The following CEBPB variants were observed in gnomAD, a reference collection of about 807,000 sequenced individuals.
The protein encoded by CEBPB is CCAAT/enhancer-binding protein beta.
For synonymous variants in CEBPB, 295 were observed against 267.1 expected, an observed-to-expected ratio of 1.10 and a Z score of -1.02; for missense variants, 498 against 533.1, an observed-to-expected ratio of 0.93 and a Z score of 0.65.
chr20:50,191,425 G>A lies in CEBPB; in HGVS notation c.392G>A (p.Cys131Tyr). Residue 131 changes from cysteine (C) to tyrosine (Y), a missense_variant, in exon 1 of 1, where the codon TGC (cysteine) becomes TAC (tyrosine). Coordinates refer to ENST00000303004, the MANE Select transcript of CEBPB (RefSeq NM_005194.4). ...LFSDDYGGKN[C>Y]KKPAEYGYVS... ...TCCGACGACTACGGGGGCAAGAACT[G>A]CAAGAAGCCGGCCGAGTACGGCTAC... is the stretch of plus-strand genomic sequence containing the variant. 2.6e-6 allele frequency: 4 copies of A among 1,524,410 alleles called. No individual in the cohort carries two copies. The highest frequency in any genetic ancestry group is 2.8e-5 in the East Asian group (1 of 36,084). 94.4% of individuals were successfully genotyped at this position (1,524,410 alleles called of 1,614,324 possible).
Position 50,191,905 on chromosome 20 carries a change from AG to A in CEBPB, c.874del (p.Ala292ProfsTer102), listed in dbSNP as rs2081581398. ...ATCGCCGTGCGCAAGAGCCGCGACA[AG>A]GCCAAGATGCGCAACCTGGAGACGC... Reference protein sequence around the residue: ...NNIAVRKSRDKAKMRNLETQH... With the variant: ...NNIAVRKSRDXAKMRNLETQH... On this transcript the variant is annotated frameshift_variant, in exon 1 of 1. Transcript: ENST00000303004. LOFTEE classifies it low-confidence loss of function (END_TRUNC). The A allele has an allele frequency of 6.2e-7, 1 of 1,612,846 alleles. No individual in the cohort carries two copies. The highest frequency in any genetic ancestry group is 8.5e-7 in the Non-Finnish European group (1 of 1,179,608).
chr20:50,190,987 C>G lies in CEBPB; in HGVS notation c.-47C>G. On this transcript the variant is annotated 5_prime_UTR_variant, in exon 1 of 1. Transcript: ENST00000303004. ...CAGGGAGGCCGCGCCACCTGCGGGCCGGCCGGAGCGGGCAGCCCCAGGCCC... is the reference window on the plus strand; with the variant it reads ...CAGGGAGGCCGCGCCACCTGCGGGCGGGCCGGAGCGGGCAGCCCCAGGCCC... The G allele has an allele frequency of 7.0e-7, 1 of 1,421,192 alleles. No individual in the cohort carries two copies. The highest frequency in any genetic ancestry group is 9.2e-7 in the Non-Finnish European group (1 of 1,091,388). 88.0% of individuals were successfully genotyped at this position (1,421,192 alleles called of 1,614,324 possible). A position where few individuals can be genotyped will look rare whatever the true frequency, so the allele number is the denominator to read the frequency against.
In CEBPB at chr20:50,191,110, T is replaced by C. The variant is rs1361637653; in HGVS notation, c.77T>C (p.Val26Ala). 6.5e-7 allele frequency: 1 copy of C among 1,548,576 alleles called. No individual in the cohort carries two copies. Residue 26 changes from valine (V) to alanine (A), a missense_variant, in exon 1 of 1, where the codon GTG (valine) becomes GCG (alanine). By Grantham distance (64) the Val-to-Ala change is moderately conservative. Transcript: ENST00000303004. ...PPPPAFKSME[V>A]ANFYYEADCL... ...CCGCCTGCCTTTAAATCCATGGAAG[T>C]GGCCAACTTCTACTACGAGGCGGAC...
Position 50,191,041 on chromosome 20 carries a change from G to A in CEBPB, c.8G>A (p.Arg3His), listed in dbSNP as rs1408002318. 4 of 1,533,766 alleles carry A rather than the reference G, an allele frequency of 2.6e-6. No individual in the cohort carries two copies. The highest frequency in any genetic ancestry group is 3.5e-6 in the Non-Finnish European group (4 of 1,148,420). MQ[R>H]LVAWDPACLP... ...CCCCGGGCACCCGCGTTCATGCAAC[G>A]CCTGGTGGCCTGGGACCCAGCATGT... The change falls in exon 1 of 1, where the codon CGC becomes CAC. Residue 3 changes from arginine (R) to histidine (H), a missense_variant. By Grantham distance (29) the Arg-to-His change is conservative. Coordinates refer to ENST00000303004, the MANE Select transcript of CEBPB (RefSeq NM_005194.4).
rs773893525 is a variant in CEBPB at position 50,191,157 on chromosome 20, G to T, written c.124G>T (p.Gly42Cys). ...EADCLAAAYG[G>C]KAAPAAPPAA... ...GGACTGCTTGGCTGCTGCGTACGGC[G>T]GCAAGGCGGCCCCCGCGGCGCCCCC... is the stretch of plus-strand genomic sequence containing the variant. Residue 42 changes from glycine to cysteine, a missense_variant, in exon 1 of 1, where the codon GGC (glycine) becomes TGC (cysteine). Transcript: ENST00000303004. The T allele has an allele frequency of 6.7e-7, 1 of 1,494,882 alleles. No individual in the cohort carries two copies. The highest frequency in any genetic ancestry group is 1.2e-5 in the South Asian group (1 of 80,388). 92.6% of individuals were successfully genotyped at this position (1,494,882 alleles called of 1,614,324 possible).
rs1440542889 is a variant in CEBPB at position 50,191,493 on chromosome 20, C to A, written c.460C>A (p.Pro154Thr). The A allele has an allele frequency of 1.4e-6, 2 of 1,448,468 alleles. No homozygotes were observed. The highest frequency in any genetic ancestry group is 2.6e-5 in the South Asian group (2 of 75,520). 89.7% of individuals were successfully genotyped at this position (1,448,468 alleles called of 1,614,324 possible). A position where few individuals can be genotyped will look rare whatever the true frequency, so the allele number is the denominator to read the frequency against. ...RLGAAKGALH[P>T]GCFAPLHPPP... ...GGGGGCCGCCAAGGGCGCGCTGCACCCCGGCTGCTTCGCGCCCCTGCACCC... is the reference window on the plus strand; with the variant it reads ...GGGGGCCGCCAAGGGCGCGCTGCACACCGGCTGCTTCGCGCCCCTGCACCC... The change falls in exon 1 of 1, where the codon CCC (proline) becomes ACC (threonine). Residue 154 changes from proline to threonine, a missense_variant. Pro to Thr is a conservative substitution (Grantham distance 38). Coordinates refer to ENST00000303004, the MANE Select transcript of CEBPB (RefSeq NM_005194.4).
rs747071489 is a variant in CEBPB, at chr20:50,192,120, G to A, written c.*49G>A. On this transcript the variant is annotated 3_prime_UTR_variant, in exon 1 of 1. Coordinates refer to ENST00000303004, the MANE Select transcript of CEBPB (RefSeq NM_005194.4). ...TGCCGGCCGGGGCTGAGACTCCGGG[G>A]AGCGCCCGCGCCCGCGCCCTCGCCC... 1.1e-5 allele frequency: 15 copies of A among 1,354,328 alleles called. No homozygotes were observed. The South Asian group carries it at 2.3e-4, about 20-fold the overall frequency. 83.9% of individuals were successfully genotyped at this position (1,354,328 alleles called of 1,614,324 possible).
Position 50,191,479 on chromosome 20 carries a change from A to G in CEBPB, c.446A>G (p.Lys149Arg), listed in dbSNP as rs1244522460. 2.0e-6 allele frequency: 3 copies of G among 1,466,536 alleles called. No individual in the cohort carries two copies. The highest frequency in any genetic ancestry group is 6.2e-5 in the East Asian group (2 of 32,108). The allele number at this position is 1,466,536 out of a possible 1,614,324, so 90.8% of individuals were successfully genotyped here. A position where few individuals can be genotyped will look rare whatever the true frequency, so the allele number is the denominator to read the frequency against. Residue 149 changes from lysine (K) to arginine (R), a missense_variant, in exon 1 of 1, where the codon AAG becomes AGG. By Grantham distance (26) the Lys-to-Arg change is conservative. Transcript: ENST00000303004. ...YVSLGRLGAA[K>R]GALHPGCFAP... ...AGCCTGGGGCGCCTGGGGGCCGCCA[A>G]GGGCGCGCTGCACCCCGGCTGCTTC... is the stretch of plus-strand genomic sequence containing the variant.
rs746697753 is a variant in CEBPB at position 50,191,517 on chromosome 20, C to G, written c.484C>G (p.Pro162Ala). Reference protein sequence around the residue: ...LHPGCFAPLHPPPPPPPPPAE... With the variant: ...LHPGCFAPLHAPPPPPPPPAE... Reference sequence around the variant, plus strand: ...CCCCGGCTGCTTCGCGCCCCTGCACCCACCGCCCCCGCCGCCGCCGCCGCC... The same window carrying G: ...CCCCGGCTGCTTCGCGCCCCTGCACGCACCGCCCCCGCCGCCGCCGCCGCC... The change falls in exon 1 of 1, where the codon CCA becomes GCA. Residue 162 changes from proline (P) to alanine (A), a missense_variant. By Grantham distance (27) the Pro-to-Ala change is conservative. Transcript: ENST00000303004. 3.1e-5 allele frequency: 41 copies of G among 1,319,690 alleles called. No homozygotes were observed. The South Asian group carries it at 8.4e-4, about 27-fold the overall frequency. The allele number at this position is 1,319,690 out of a possible 1,614,324, so 81.7% of individuals were successfully genotyped here. A position where few individuals can be genotyped will look rare whatever the true frequency, so the allele number is the denominator to read the frequency against.
In CEBPB at chr20:50,190,913, C is replaced by CCGGCAGCGG. The variant is rs1331312402; in HGVS notation, c.-113_-105dup. 5 of 1,262,270 alleles carry CCGGCAGCGG rather than the reference C, an allele frequency of 4.0e-6. No individual in the cohort carries two copies. Among genetic ancestry groups the CCGGCAGCGG allele is most frequent in the East Asian group, 3.2e-5 (1 of 31,010 alleles). 78.2% of individuals were successfully genotyped at this position (1,262,270 alleles called of 1,614,324 possible). On this transcript the variant is annotated 5_prime_UTR_variant, in exon 1 of 1. Coordinates refer to ENST00000303004, the MANE Select transcript of CEBPB (RefSeq NM_005194.4). ...AGCCCCCTCACTAATAGCGGCCACC[C>CCGGCAGCGG]CGGCAGCGGCGGCAGCAGCAGCAGC...
Position 50,191,988 on chromosome 20 carries a change from C to G in CEBPB, c.955C>G (p.Gln319Glu). 1.2e-6 allele frequency: 2 copies of G among 1,610,556 alleles called. No homozygotes were observed. ...ENERLQKKVE[Q>E]LSRELSTLRN... ...CGAGCGGCTGCAGAAGAAGGTGGAG[C>G]AGCTGTCGCGCGAGCTCAGCACCCT... The change falls in exon 1 of 1, where the codon CAG becomes GAG. Residue 319 changes from glutamine (Q) to glutamate (E), a missense_variant. Transcript: ENST00000303004.
rs529249404 is a variant in CEBPB at position 50,192,143 on chromosome 20, C to T, written c.*72C>T. On this transcript the variant is annotated 3_prime_UTR_variant, in exon 1 of 1. Transcript: ENST00000303004. ...GGGAGCGCCCGCGCCCGCGCCCTCG[C>T]CCCCGCCCCCGGCGGCGCCGGCAAA... 509 of 1,216,226 alleles carry T rather than the reference C, an allele frequency of 4.2e-4. 4 individuals carry two copies. The African/African-American group carries it at 7.3e-3, about 17-fold the overall frequency. 75.3% of individuals were successfully genotyped at this position (1,216,226 alleles called of 1,614,324 possible).
Position 50,191,265 on chromosome 20 carries a change from T to A in CEBPB, c.232T>A (p.Tyr78Asn). ...DHERAIDFSPYLEPLGAPQAP... is the reference protein window; with the variant it reads ...DHERAIDFSPNLEPLGAPQAP... ...CGAGCGCGCCATCGACTTCAGCCCG[T>A]ACCTGGAGCCGCTGGGCGCGCCGCA... The change falls in exon 1 of 1, where the codon TAC becomes AAC. Residue 78 changes from tyrosine (Y) to asparagine (N), a missense_variant. Tyr to Asn is a moderately radical substitution (Grantham distance 143). Coordinates refer to ENST00000303004, the MANE Select transcript of CEBPB (RefSeq NM_005194.4). 7.8e-7 allele frequency: 1 copy of A among 1,283,118 alleles called. No homozygotes were observed. 79.5% of individuals were successfully genotyped at this position (1,283,118 alleles called of 1,614,324 possible).
Position 50,191,737 on chromosome 20 carries a change from C to T in CEBPB, c.704C>T (p.Thr235Met). Residue 235 changes from threonine to methionine, a missense_variant, in exon 1 of 1, where the codon ACG (threonine) becomes ATG (methionine). Transcript: ENST00000303004. Reference sequence around the variant, plus strand: ...TCCTCCTCGTCCAGCCCGCCCGGCACGCCGAGCCCCGCTGACGCCAAGGCG... The same window carrying T: ...TCCTCCTCGTCCAGCCCGCCCGGCATGCCGAGCCCCGCTGACGCCAAGGCG... ...STSSSSSPPG[T>M]PSPADAKAPP... 2.6e-6 allele frequency: 4 copies of T among 1,522,206 alleles called. No homozygotes were observed. The highest frequency in any genetic ancestry group is 3.5e-6 in the Non-Finnish European group (4 of 1,138,934). 94.3% of individuals were successfully genotyped at this position (1,522,206 alleles called of 1,614,324 possible). A position where few individuals can be genotyped will look rare whatever the true frequency, so the allele number is the denominator to read the frequency against.
In CEBPB at chr20:50,190,983, G is replaced by C. The variant is rs951631209; in HGVS notation, c.-51G>C. 2.1e-6 allele frequency: 3 copies of C among 1,415,840 alleles called. No homozygotes were observed. The highest frequency in any genetic ancestry group is 2.8e-6 in the Non-Finnish European group (3 of 1,088,798). 87.7% of individuals were successfully genotyped at this position (1,415,840 alleles called of 1,614,324 possible). A position where few individuals can be genotyped will look rare whatever the true frequency, so the allele number is the denominator to read the frequency against. ...AGAGCAGGGAGGCCGCGCCACCTGCGGGCCGGCCGGAGCGGGCAGCCCCAG... is the reference window on the plus strand; with the variant it reads ...AGAGCAGGGAGGCCGCGCCACCTGCCGGCCGGCCGGAGCGGGCAGCCCCAG... On this transcript the variant is annotated 5_prime_UTR_variant, in exon 1 of 1. Coordinates refer to ENST00000303004, the MANE Select transcript of CEBPB (RefSeq NM_005194.4).
In CEBPB at chr20:50,191,154, G is replaced by T. The variant is rs770372476; in HGVS notation, c.121G>T (p.Gly41Cys). Residue 41 changes from glycine (G) to cysteine (C), a missense_variant, in exon 1 of 1, where the codon GGC becomes TGC. Gly to Cys is a radical substitution (Grantham distance 159). Coordinates refer to ENST00000303004, the MANE Select transcript of CEBPB (RefSeq NM_005194.4). ...YEADCLAAAY[G>C]GKAAPAAPPA... ...GGCGGACTGCTTGGCTGCTGCGTAC[G>T]GCGGCAAGGCGGCCCCCGCGGCGCC... 2 of 1,495,710 alleles carry T rather than the reference G, an allele frequency of 1.3e-6. No individual in the cohort carries two copies. Among genetic ancestry groups the T allele is most frequent in the Non-Finnish European group, 8.9e-7 (1 of 1,125,648 alleles). 92.7% of individuals were successfully genotyped at this position (1,495,710 alleles called of 1,614,324 possible). A position where few individuals can be genotyped will look rare whatever the true frequency, so the allele number is the denominator to read the frequency against.
chr20:50,192,340 C>CTCTGCT lies in CEBPB; in HGVS notation c.*273_*278dup, dbSNP rs1248249732. ...TATGTGTACAGATGAATGATAAACTCTCTGCTTCTCCCTCTGCCCCTCTCC... is the reference window on the plus strand; with the variant it reads ...TATGTGTACAGATGAATGATAAACTCTCTGCTTCTGCTTCTCCCTCTGCCCCTCTCC... On this transcript the variant is annotated 3_prime_UTR_variant, in exon 1 of 1. Coordinates refer to ENST00000303004, the MANE Select transcript of CEBPB (RefSeq NM_005194.4). 1 of 175,710 alleles carries CTCTGCT rather than the reference C, an allele frequency of 5.7e-6. No homozygotes were observed. Among genetic ancestry groups the CTCTGCT allele is most frequent in the Non-Finnish European group, 1.3e-5 (1 of 75,106 alleles). 10.9% of individuals were successfully genotyped at this position (175,710 alleles called of 1,614,324 possible). A position where few individuals can be genotyped will look rare whatever the true frequency, so the allele number is the denominator to read the frequency against.
chr20:50,191,618 C>T lies in CEBPB; in HGVS notation c.585C>T (p.Gly195=), dbSNP rs1317010663. Residue 195 remains glycine (G), a synonymous_variant, in exon 1 of 1, where the codon GGC becomes GGT. Coordinates refer to ENST00000303004, the MANE Select transcript of CEBPB (RefSeq NM_005194.4). ...AGGAGGAGGCCGGGGCGCCGGGCGGCGGCGCAGGCATGGCGGCGGGCTTCC... is the reference window on the plus strand; with the variant it reads ...AGGAGGAGGCCGGGGCGCCGGGCGGTGGCGCAGGCATGGCGGCGGGCTTCC... ...KRKEEAGAPG[G]GAGMAAGFPY... 5 of 1,347,680 alleles carry T rather than the reference C, an allele frequency of 3.7e-6. No homozygotes were observed. The highest frequency in any genetic ancestry group is 4.0e-5 in the Admixed American group (1 of 24,708). The allele number at this position is 1,347,680 out of a possible 1,614,324, so 83.5% of individuals were successfully genotyped here.
rs2081570218 is a variant in CEBPB at position 50,190,872 on chromosome 20, C to A, written c.-162C>A. The stretch of plus-strand genomic sequence containing the variant: ...CACGGGACTGGGAAGGGGACCCACC[C>A]GAGGGTCCAGCCACCAGCCCCCTCA... On this transcript the variant is annotated 5_prime_UTR_variant, in exon 1 of 1. Coordinates refer to ENST00000303004, the MANE Select transcript of CEBPB (RefSeq NM_005194.4). 3.5e-6 allele frequency: 3 copies of A among 847,350 alleles called. No individual in the cohort carries two copies. In the East Asian group the frequency reaches 1.0e-4, roughly 29 times the overall value. The allele number at this position is 847,350 out of a possible 1,614,324, so 52.5% of individuals were successfully genotyped here. A position where few individuals can be genotyped will look rare whatever the true frequency, so the allele number is the denominator to read the frequency against.
Sources: allele counts gnomAD v4.1 joint callset, GRCh38; gene constraint gnomAD v4.1.1; transcripts MANE v1.5; gene names NCBI Gene and HGNC (gene_info 2026-07-23, HGNC 2026-07-21).